The following FGF12 variants were observed in gnomAD, a reference collection of about 807,000 sequenced individuals.
The protein encoded by FGF12 is fibroblast growth factor 12.
A neutral mutation model predicts 23.6 loss-of-function variants in FGF12; 14 were observed. That is an observed-to-expected ratio of 0.59 (90% CI 0.39 to 0.93). The LOEUF (loss-of-function observed/expected upper bound fraction) is 0.93. Among genes scored for constraint, FGF12 ranks in the 40% least tolerant of loss-of-function variants. The probability of loss-of-function intolerance (pLI) is 0.00; values close to 1 mark genes in which losing one functional copy is unlikely to be tolerated. For missense variants in FGF12, 175 were observed against 217.8 expected (o/e 0.80, Z 1.24); for synonymous variants, 62 against 77.3 (o/e 0.80, Z 1.04).
chr3:192,432,620 CAAAAAA>C (rs201364119), intron 2 of FGF12, among the ~76,000 whole-genome samples: 161 of 106,718 alleles, frequency 1.5e-3, no homozygotes, highest in East Asian at 7.2e-3. Flanking sequence ...TGACATCTGG[CAAAAAA>C]AAAAAAAAAA....
chr3:192,369,604 G>C (rs1325348338), intron 2 of FGF12, among the ~76,000 whole-genome samples: 1 of 152,208 alleles, frequency 6.6e-6, no homozygotes, highest in Non-Finnish European at 1.5e-5. Context: ...ATAGGGACAA[G>C]GTTTTTGTAC....
At chr3:192,708,928 T>C (rs1718576651) in intron 2 of FGF12, among the ~76,000 whole-genome samples, 1 of 152,336 alleles carries the variant, frequency 6.6e-6, no homozygotes, top group Non-Finnish European at 1.5e-5. Context: ...AATTGAACAA[T>C]ATATTTTTAT....
intron 2 of FGF12, among the ~76,000 whole-genome samples, chr3:192,548,289 T>C (rs1045626630): frequency 6.6e-6 from 1 of 152,276 alleles, no homozygotes; most frequent in Admixed American, 6.5e-5. Flanking sequence ...GAAGCATTGA[T>C]ACACATGTTT....
chr3:192,365,615 C>A (rs1195064194), intron 2 of FGF12, among the ~76,000 whole-genome samples: 3 of 151,962 alleles, frequency 2.0e-5, no homozygotes, highest in Admixed American at 6.6e-5. Flanking sequence ...ATACTAAGTA[C>A]AGCTAAAAAA....
chr3:192,687,066 T>G (rs899915947), intron 2 of FGF12, among the ~76,000 whole-genome samples: 1 of 151,186 alleles, frequency 6.6e-6, no homozygotes, highest in African/African-American at 2.4e-5. Flanking sequence ...CCTGACCTCG[T>G]GATCTGCCCG....
chr3:192,411,956 G>GT (rs1721212669), intron 2 of FGF12, among the ~76,000 whole-genome samples: 1 of 148,246 alleles, frequency 6.7e-6, no homozygotes, highest in East Asian at 2.7e-4. Context: ...AAATATGGCC[G>GT]GTTTTTTTTT....
chr3:192,566,611 A>C (rs960953711), intron 2 of FGF12, among the ~76,000 whole-genome samples: 67 of 152,178 alleles, frequency 4.4e-4, no homozygotes, highest in African/African-American at 1.6e-3. Context: ...AGTCTACAAC[A>C]CTGTCTGTTG....
chr3:192,694,208 G>A (rs1382910843), intron 2 of FGF12, among the ~76,000 whole-genome samples: 2 of 152,146 alleles, frequency 1.3e-5, no homozygotes, highest in African/African-American at 4.8e-5. Context: ...CCTCACACCT[G>A]TTAGGATGGT....
At chr3:192,676,429 G>GCTGGCAAATTAGAGGTAGAC (rs1228079176) in intron 2 of FGF12, among the ~76,000 whole-genome samples, 1 of 152,226 alleles carries the variant, frequency 6.6e-6, no homozygotes, top group African/African-American at 2.4e-5. Context: ...TAGTGGTAGA[G>GCTGGCAAATTAGAGGTAGAC]CTGGCAAATT....
intron 2 of FGF12, among the ~76,000 whole-genome samples, chr3:192,532,263 A>AT (rs1318045950): frequency 1.5e-4 from 22 of 151,020 alleles, no homozygotes; most frequent in Middle Eastern, 3.4e-3. Flanking sequence ...GAATTTTAGG[A>AT]TTTTTTTTTC....
chr3:192,536,812 C>T (rs1725235350), intron 2 of FGF12, among the ~76,000 whole-genome samples: 1 of 151,754 alleles, frequency 6.6e-6, no homozygotes, highest in Non-Finnish European at 1.5e-5. Flanking sequence ...ACAAGTAATC[C>T]AATTATAGTT....
At position 192,544,215 on chromosome 3, in the gene FGF12, A is replaced by AT. The variant is rs1027769676; in HGVS notation, c.13+182965dup. On this transcript the variant is annotated intron_variant, in intron 2 of 5. Coordinates refer to ENST00000445105, the MANE Select transcript of FGF12 (RefSeq NM_004113.6). Reference sequence around the variant, plus strand: ...TGCTCTCCCTCTTCCAAGCACACAGATTTTTTTTTCTCCACGCCACAGAAC... The same window carrying AT: ...TGCTCTCCCTCTTCCAAGCACACAGATTTTTTTTTTCTCCACGCCACAGAAC... Among the ~76,000 whole-genome samples the AT allele has an allele frequency of 6.1e-3, 920 of 151,472 alleles. 6 individuals carry two copies. The highest frequency in any genetic ancestry group is 0.021 in the African/African-American group (885 of 41,254).
chr3:192,253,300 T>G (rs1712157101), intron 4 of FGF12, among the ~76,000 whole-genome samples: 1 of 152,018 alleles, frequency 6.6e-6, no homozygotes, highest in African/African-American at 2.4e-5. Context: ...GACATGGAAC[T>G]AATCCTATTA....
At chr3:192,263,014 T>C (rs1195191460) in intron 4 of FGF12, among the ~76,000 whole-genome samples, 1 of 152,088 alleles carries the variant, frequency 6.6e-6, no homozygotes, top group Non-Finnish European at 1.5e-5. Flanking sequence ...AAATTTTACT[T>C]ACAAGCCTTT....
At chr3:192,307,563 C>A (rs1190740083) in intron 4 of FGF12, among the ~76,000 whole-genome samples, 1 of 152,166 alleles carries the variant, frequency 6.6e-6, no homozygotes, top group Admixed American at 6.5e-5. Context: ...GAAGATCTCT[C>A]AATTCTACAG....
intron 2 of FGF12, among the ~76,000 whole-genome samples, chr3:192,548,264 A>C (rs1230573972): frequency 2.6e-5 from 4 of 152,162 alleles, no homozygotes; most frequent in Non-Finnish European, 4.4e-5. Flanking sequence ...AAGCAACTTA[A>C]AGTCCTTAAT....
intron 2 of FGF12, among the ~76,000 whole-genome samples, chr3:192,423,443 T>A (rs1005239609): frequency 1.3e-5 from 2 of 152,194 alleles, no homozygotes; most frequent in African/African-American, 4.8e-5. Context: ...TAACTGCTGT[T>A]AGCTTATTGA....
At chr3:192,575,671 G>C (rs944597905) in intron 2 of FGF12, among the ~76,000 whole-genome samples, 2 of 151,158 alleles carry the variant, frequency 1.3e-5, no homozygotes, top group African/African-American at 4.9e-5. Flanking sequence ...TTTGCATTTA[G>C]GTTTTGGTCC....
chr3:192,421,474 G>A (rs1696041514), intron 2 of FGF12, among the ~76,000 whole-genome samples: 1 of 151,944 alleles, frequency 6.6e-6, no homozygotes, highest in Non-Finnish European at 1.5e-5. Context: ...TTGTCAGCAT[G>A]GAACACTATG....
Sources: allele counts gnomAD v4.1 joint callset (sites outside exome capture counted in the v4.1 genomes callset), GRCh38; gene constraint gnomAD v4.1.1; transcripts MANE v1.5; gene names NCBI Gene and HGNC (gene_info 2026-07-23, HGNC 2026-07-21).